Variants in ITGAL observed in about 807,000 individuals in gnomAD.
ITGAL encodes the protein integrin alpha-L.
A neutral mutation model predicts 138.4 loss-of-function variants in ITGAL; 68 were observed. The observed-to-expected ratio is 0.49, with a 90% CI of 0.40 to 0.60. The LOEUF is 0.60. Ranked by LOEUF, ITGAL falls within the 20% of genes least tolerant of loss-of-function variation. The probability of loss-of-function intolerance (pLI) is 0.00; values close to 1 mark genes in which losing one functional copy is unlikely to be tolerated. For missense variants in ITGAL, 1,256 were observed against 1,478.6 expected, an observed-to-expected ratio of 0.85 and a Z score of 2.47; for synonymous variants, 561 against 584.3, an observed-to-expected ratio of 0.96 and a Z score of 0.57.
In ITGAL at chr16:30,474,257, C is replaced by CA; in HGVS notation, c.123_124insA (p.Gly42ArgfsTer71). ...CGCGGAGCTTCTCCCCACCGCGCGC[C>CA]GGGAGGCACTTTGGATACCGCGTCC... On this transcript the variant is annotated frameshift_variant, in exon 2 of 31. Transcript: ENST00000356798. LOFTEE classifies it high-confidence loss of function. 1 of 1,609,104 alleles carries CA rather than the reference C, an allele frequency of 6.2e-7. No individual in the cohort carries two copies. Among genetic ancestry groups the CA allele is most frequent in the Non-Finnish European group, 8.5e-7 (1 of 1,177,884 alleles).
intron 21 of ITGAL, 21 bp downstream of exon 21, chr16:30,506,877 T>C (rs2051008328): frequency 6.2e-7 from 1 of 1,612,928 alleles, no homozygotes; most frequent in Non-Finnish European, 8.5e-7. Flanking sequence ...GGACAGCGCC[T>C]GCCTGCGGGC....
chr16:30,514,828 T>TC, intron 25 of ITGAL, among the ~76,000 whole-genome samples: 1 of 147,968 alleles, frequency 6.8e-6, no homozygotes, highest in East Asian at 2.0e-4. Context: ...TTCTTTTCTT[T>TC]TTTTTTTTTT....
At chr16:30,472,988 C>A (rs1444493680) in intron 1 of ITGAL, 90 bp downstream of exon 1, 13 of 1,275,088 alleles carry the variant, frequency 1.0e-5, no homozygotes, top group Admixed American at 1.9e-5. Flanking sequence ...CAAGGAGCTG[C>A]CCCCTAAAAG....
intron 21 of ITGAL, among the ~76,000 whole-genome samples, chr16:30,507,273 C>T (rs2051015878): frequency 3.3e-5 from 5 of 151,996 alleles, no homozygotes; most frequent in African/African-American, 9.7e-5. Context: ...TCCTGGCTAA[C>T]ACGGTGAAAC....
chr16:30,510,601 G>A (rs2051075629), intron 22 of ITGAL, 130 bp downstream of exon 22: 2 of 652,512 alleles, frequency 3.1e-6, no homozygotes, highest in Non-Finnish European at 5.5e-6. Context: ...CTACCTAAGA[G>A]AAATGTATGT....
intron 11 of ITGAL, among the ~76,000 whole-genome samples, chr16:30,490,222 C>T (rs1345991268): frequency 6.5e-5 from 5 of 76,942 alleles, no homozygotes; most frequent in East Asian, 6.1e-4. Flanking sequence ...AGCGAGACTC[C>T]GTCTTAAAAA....
intron 8 of ITGAL, 25 bp downstream of exon 8, chr16:30,483,984 T>A (rs1421888102): frequency 4.4e-6 from 7 of 1,605,090 alleles, no homozygotes; most frequent in Non-Finnish European, 4.3e-6. Context: ...GCTTCCTGCA[T>A]CATATCTTCC....
At chr16:30,480,154 A>G (rs1042628816) in intron 6 of ITGAL, among the ~76,000 whole-genome samples, 1 of 140,958 alleles carries the variant, frequency 7.1e-6, no homozygotes, top group Non-Finnish European at 1.5e-5. Flanking sequence ...CTGGTCCCAA[A>G]CTCCTGGATC....
chr16:30,504,119 C>T (rs967783768), intron 17 of ITGAL, 56 bp from the exon 18 acceptor site: 200 of 1,308,344 alleles, frequency 1.5e-4, no homozygotes, highest in Admixed American at 1.3e-3. Context: ...TACATCTAAT[C>T]GGAAGTGCGG....
intron 3 of ITGAL, 36 bp downstream of exon 3, chr16:30,475,436 T>A: frequency 6.2e-7 from 1 of 1,604,748 alleles, no homozygotes; most frequent in Non-Finnish European, 8.5e-7. Context: ...AGGAATGGGA[T>A]CTTGGGGAAA....
chr16:30,485,216 TTTCTC>T (rs2050625329), intron 9 of ITGAL, among the ~76,000 whole-genome samples: 1 of 130,916 alleles, frequency 7.6e-6, no homozygotes, highest in Non-Finnish European at 1.6e-5. Flanking sequence ...CTTCTCTTCT[TTTCTC>T]TTCTCTCTTT....
chr16:30,516,526 G>A (rs1328451347), intron 25 of ITGAL, among the ~76,000 whole-genome samples: 1 of 152,060 alleles, frequency 6.6e-6, no homozygotes, highest in Non-Finnish European at 1.5e-5. Flanking sequence ...CACCACACTA[G>A]GCACTGTGTC....
At chr16:30,503,446 T>TC (rs1001441964) in intron 17 of ITGAL, among the ~76,000 whole-genome samples, 10 of 151,042 alleles carry the variant, frequency 6.6e-5, no homozygotes, top group African/African-American at 2.4e-4. Flanking sequence ...ATTTTCTTTT[T>TC]TTTTTTTTCT....
intron 24 of ITGAL, 92 bp from the exon 25 acceptor site, chr16:30,513,679 G>A (rs1462877761): frequency 5.9e-5 from 53 of 898,448 alleles, no homozygotes; most frequent in African/African-American, 1.3e-4. Flanking sequence ...TATCTGTGCC[G>A]TTCCTAGCAC....
intron 17 of ITGAL, among the ~76,000 whole-genome samples, chr16:30,499,733 A>ATATTTTTTT: frequency 1.1e-5 from 1 of 88,378 alleles, no homozygotes; most frequent in African/African-American, 6.0e-5. Flanking sequence ...ATATATATAT[A>ATATTTTTTT]TTTTTTTTTT....
intron 24 of ITGAL, among the ~76,000 whole-genome samples, chr16:30,512,214 C>T (rs2051100621): frequency 6.6e-6 from 1 of 152,080 alleles, no homozygotes; most frequent in Non-Finnish European, 1.5e-5. Flanking sequence ...GGGTAAAGGC[C>T]TCTTCAACAA....
chr16:30,497,688 A>G (rs539305153), intron 15 of ITGAL, among the ~76,000 whole-genome samples: 1 of 151,572 alleles, frequency 6.6e-6, no homozygotes, highest in Non-Finnish European at 1.5e-5. Flanking sequence ...CATGTTGGCC[A>G]GGCTGGTTTT....
Position 30,521,794 on chromosome 16 carries a change from A to C in ITGAL, c.*129A>C, listed in dbSNP as rs189126934. ...CCTCTCCCTGGCCCTCAGTTTCCCT[A>C]TCTCGAACATGGAACTCATTCCTGC... On this transcript the variant is annotated 3_prime_UTR_variant, in exon 31 of 31. Transcript: ENST00000356798. 2.3e-6 allele frequency: 2 copies of C among 858,442 alleles called. No homozygotes were observed. The allele number at this position is 858,442 out of a possible 1,614,324, so 53.2% of individuals were successfully genotyped here. A position where few individuals can be genotyped will look rare whatever the true frequency, so the allele number is the denominator to read the frequency against.
rs770806461 is a variant in ITGAL at position 30,499,475 on chromosome 16, T to G, written c.2131T>G (p.Ser711Ala). 1.2e-6 allele frequency: 2 copies of G among 1,613,698 alleles called. No individual in the cohort carries two copies. The highest frequency in any genetic ancestry group is 1.7e-6 in the Non-Finnish European group (2 of 1,179,980). The change falls in exon 17 of 31, where the codon TCA becomes GCA. Residue 711 changes from serine (S) to alanine (A), a missense_variant. Transcript: ENST00000356798. ...CACCAGCATGTCATGCACTGACTTC[T>G]CATTTCATTTCCCGGTAAGGGAGCC... The part of the protein sequence containing the change: ...VTTSMSCTDF[S>A]FHFPVCVQDL...
Sources: gnomAD v4.1 joint callset for allele counts (sites outside exome capture counted in the v4.1 genomes callset) on GRCh38, gnomAD v4.1.1 for gene constraint, MANE v1.5 for transcripts, NCBI Gene and HGNC (gene_info 2026-07-23, HGNC 2026-07-21) for gene names.